The following FRAS1 variants were observed in gnomAD, a reference collection of about 807,000 sequenced individuals.
FRAS1 encodes the protein extracellular matrix organizing protein FRAS1.
In FRAS1, 290 loss-of-function variants were observed where a neutral mutation model predicts 435.2. That is an observed-to-expected ratio of 0.67 (90% confidence interval 0.61 to 0.73). The LOEUF (loss-of-function observed/expected upper bound fraction) is 0.73, where lower values mean the gene tolerates loss of function less well. Among genes scored for constraint, FRAS1 ranks in the 30% least tolerant of loss-of-function variants. The pLI is 0.00. For synonymous variants in FRAS1, 1,800 were observed against 1,851.0 expected (o/e 0.97, Z 0.71); for missense variants, 4,860 against 5,001.5 (o/e 0.97, Z 0.85).
chr4:78,336,866 C>G (rs1280702744), intron 19 of FRAS1, among the ~76,000 whole-genome samples: 1 of 152,214 alleles, frequency 6.6e-6, no homozygotes, highest in Non-Finnish European at 1.5e-5. Flanking sequence ...AAATCTGCTT[C>G]CATGTGCTTG....
intron 47 of FRAS1, among the ~76,000 whole-genome samples, chr4:78,453,340 G>A (rs1459044223): frequency 6.6e-6 from 1 of 152,188 alleles, no homozygotes; most frequent in Non-Finnish European, 1.5e-5. Flanking sequence ...GCAGCCATGA[G>A]AATAGTAAGA....
intron 1 of FRAS1, among the ~76,000 whole-genome samples, chr4:78,061,767 T>C (rs1027301054): frequency 6.6e-6 from 1 of 152,180 alleles, no homozygotes; most frequent in African/African-American, 2.4e-5. Flanking sequence ...TGTCAGGTTA[T>C]GTCCAGTAGG....
chr4:78,198,234 C>G (rs1025262062), intron 2 of FRAS1, among the ~76,000 whole-genome samples: 18 of 152,192 alleles, frequency 1.2e-4, no homozygotes, highest in African/African-American at 3.9e-4. Flanking sequence ...GTGAGTCCCC[C>G]CTGACAGCCT....
intron 2 of FRAS1, among the ~76,000 whole-genome samples, chr4:78,213,313 A>G (rs1434245373): frequency 2.6e-5 from 4 of 152,246 alleles, no homozygotes; most frequent in Non-Finnish European, 5.9e-5. Context: ...CAGAACATGA[A>G]CATATTTCTC....
At chr4:78,304,025 G>A (rs1052880101) in intron 14 of FRAS1, among the ~76,000 whole-genome samples, 56 of 151,786 alleles carry the variant, frequency 3.7e-4, no homozygotes, top group African/African-American at 1.3e-3. Flanking sequence ...TTTGAAATAT[G>A]TCCCATCAAT....
At chr4:78,162,963 G>T (rs563614409) in intron 2 of FRAS1, among the ~76,000 whole-genome samples, 1 of 152,284 alleles carries the variant, frequency 6.6e-6, no homozygotes, top group East Asian at 1.9e-4. Context: ...ACAATTTGTG[G>T]GATGAGCCCG....
chr4:78,139,457 T>C (rs1720067668), intron 2 of FRAS1, among the ~76,000 whole-genome samples: 2 of 152,196 alleles, frequency 1.3e-5, no homozygotes, highest in African/African-American at 4.8e-5. Context: ...AAACAGCAAT[T>C]TGCAGGAGAC....
Position 78,113,621 on chromosome 4 carries a change from G to A in FRAS1, c.108+47605G>A, listed in dbSNP as rs962866025. ...TCATGTGTCTTTTGGCTCCATAAAT[G>A]TCTTCTTTTGAGAAATGTCTGTTCA... On this transcript the variant is annotated intron_variant, in intron 2 of 73. Transcript: ENST00000512123. Among the ~76,000 whole-genome samples, 5 of 152,208 alleles carry A rather than the reference G, an allele frequency of 3.3e-5. No homozygotes were observed. The South Asian group carries it at 6.2e-4, about 19-fold the overall frequency.
At chr4:78,175,725 A>C (rs1721743051) in intron 2 of FRAS1, among the ~76,000 whole-genome samples, 1 of 152,140 alleles carries the variant, frequency 6.6e-6, no homozygotes, top group African/African-American at 2.4e-5. Flanking sequence ...CAGATGAGAG[A>C]CCTGGCCAGA....
intron 2 of FRAS1, among the ~76,000 whole-genome samples, chr4:78,151,238 CT>C (rs574840941): frequency 6.6e-6 from 1 of 151,398 alleles, no homozygotes; most frequent in South Asian, 2.1e-4. Flanking sequence ...TTTCATGGAG[CT>C]TTTTTTTTAC....
At chr4:78,521,174 A>G (rs1215961621) in intron 67 of FRAS1, among the ~76,000 whole-genome samples, 1 of 152,204 alleles carries the variant, frequency 6.6e-6, no homozygotes, top group African/African-American at 2.4e-5. Context: ...AGAAAGTATA[A>G]TAAGAAGCAG....
At chr4:78,188,912 C>T (rs187330046) in intron 2 of FRAS1, among the ~76,000 whole-genome samples, 3 of 152,310 alleles carry the variant, frequency 2.0e-5, no homozygotes, top group Admixed American at 1.3e-4. Flanking sequence ...GTCATAAAAA[C>T]ACCATTATGG....
chr4:78,469,967 C>T lies in FRAS1; in HGVS notation c.7258-11C>T, dbSNP rs748578726. 4 of 1,599,148 alleles carry T rather than the reference C, an allele frequency of 2.5e-6. No homozygotes were observed. The Admixed American group carries it at 6.7e-5, about 27-fold the overall frequency. On this transcript the variant is annotated splice_polypyrimidine_tract_variant and intron_variant, in intron 50 of 73. Transcript: ENST00000512123. ...TGAATGATGAGTTTTCTTTTCTGCC[C>T]TCCCCTTCAGATTATGACAGCAGCA...
intron 28 of FRAS1, among the ~76,000 whole-genome samples, 164 bp downstream of exon 28, chr4:78,384,307 TAAC>T (rs1175565109): frequency 2.0e-5 from 3 of 152,218 alleles, no homozygotes; most frequent in Non-Finnish European, 4.4e-5. Context: ...TTCTGGGTAA[TAAC>T]AACAGCAGCA....
At chr4:78,307,298 G>T (rs1442252006) in intron 14 of FRAS1, among the ~76,000 whole-genome samples, 2 of 152,258 alleles carry the variant, frequency 1.3e-5, no homozygotes, top group African/African-American at 4.8e-5. Flanking sequence ...TAAGTCTGCA[G>T]AGGTTATTGC....
intron 44 of FRAS1, among the ~76,000 whole-genome samples, chr4:78,449,944 T>C (rs944228269): frequency 5.3e-5 from 8 of 152,150 alleles, no homozygotes; most frequent in Non-Finnish European, 8.8e-5. Flanking sequence ...AGGTGTTGAC[T>C]CAAGGGAAAA....
rs952045880 is a variant in FRAS1, at chr4:78,319,269, T to C, written c.2137+283T>C. 1.7e-5 allele frequency: 9 copies of C among 530,494 alleles called. No individual in the cohort carries two copies. In the African/African-American group the frequency reaches 1.7e-4, roughly 10 times the overall value. 32.9% of individuals were successfully genotyped at this position (530,494 alleles called of 1,614,324 possible). A position where few individuals can be genotyped will look rare whatever the true frequency, so the allele number is the denominator to read the frequency against. Reference sequence around the variant, plus strand: ...ACAGAAATTCTTTCAGGGACCACTATGTGTAGTTACAAAAGACTCAGAGCT... The same window carrying C: ...ACAGAAATTCTTTCAGGGACCACTACGTGTAGTTACAAAAGACTCAGAGCT... On this transcript the variant is annotated intron_variant, in intron 18 of 73. Transcript: ENST00000512123.
At chr4:78,520,741 G>T (rs965120837) in intron 67 of FRAS1, among the ~76,000 whole-genome samples, 1 of 152,150 alleles carries the variant, frequency 6.6e-6, no homozygotes, top group Non-Finnish European at 1.5e-5. Flanking sequence ...TCTATTTGAG[G>T]TTGGGTGAAT....
chr4:78,204,922 C>G (rs892770043), intron 2 of FRAS1, among the ~76,000 whole-genome samples: 1 of 152,132 alleles, frequency 6.6e-6, no homozygotes, highest in Non-Finnish European at 1.5e-5. Flanking sequence ...GTAAAAGATA[C>G]TAGTTTCCAG....
Sources: gnomAD v4.1 joint callset for allele counts (sites outside exome capture counted in the v4.1 genomes callset) on GRCh38, gnomAD v4.1.1 for gene constraint, MANE v1.5 for transcripts, NCBI Gene and HGNC (gene_info 2026-07-23, HGNC 2026-07-21) for gene names.